The following CMTM1 variants were observed in gnomAD, a reference collection of about 807,000 sequenced individuals.
CMTM1 encodes the protein CKLF like MARVEL transmembrane domain containing 1, also known as CKLF-like MARVEL transmembrane domain-containing protein 1.
Under a neutral mutation model 17.8 loss-of-function variants are expected in CMTM1, and 16 were observed. The ratio of observed to expected loss-of-function variants is 0.90; its 90% CI spans 0.61 to 1.37. The LOEUF (loss-of-function observed/expected upper bound fraction) is 1.37. Ranked by LOEUF, CMTM1 falls within the 40% of genes most tolerant of loss-of-function variation. The pLI is 0.00. For synonymous variants in CMTM1, 169 were observed against 154.6 expected (o/e 1.09, Z -0.69); for missense variants, 354 against 375.6 (o/e 0.94, Z 0.47).
chr16:66,572,135 A>G (rs1293000341), intron 2 of CMTM1, among the ~76,000 whole-genome samples: 1 of 152,184 alleles, frequency 6.6e-6, no homozygotes, highest in African/African-American at 2.4e-5. Flanking sequence ...CAGACCTAGC[A>G]CAGCACAGGA....
chr16:66,577,162 T>C lies in CMTM1; in HGVS notation c.650T>C (p.Met217Thr), dbSNP rs745428783. 5 of 1,613,970 alleles carry C rather than the reference T, an allele frequency of 3.1e-6. No individual in the cohort carries two copies. The East Asian group carries it at 8.9e-5, about 29-fold the overall frequency. The change falls in exon 3 of 4, where the codon ATG (methionine) becomes ACG (threonine). Residue 217 changes from methionine (M) to threonine (T), a missense_variant. Coordinates refer to ENST00000379500, the MANE Select transcript of CMTM1 (RefSeq NM_052999.4). Reference protein sequence around the residue: ...VFLSVVAILAMQEKKRRHLLY... With the variant: ...VFLSVVAILATQEKKRRHLLY... ...CTTTCAGTAGTTGCCATCTTGGCCA[T>C]GCAAGAAAAGAAAAGAAGGCATTTA... is the stretch of plus-strand genomic sequence containing the variant.
chr16:66,572,837 T>C (rs2013742589), intron 2 of CMTM1, among the ~76,000 whole-genome samples: 1 of 152,066 alleles, frequency 6.6e-6, no homozygotes, highest in Non-Finnish European at 1.5e-5. Context: ...CCTATTCCGA[T>C]TATTGTTTGA....
rs367966569 is a variant in CMTM1 at position 66,566,725 on chromosome 16, G to T, written c.212G>T (p.Gly71Val). Residue 71 changes from glycine to valine, a missense_variant, in exon 1 of 4, where the codon GGC (glycine) becomes GTC (valine). Physicochemically the swap from Gly to Val is moderately radical, Grantham distance 109 (BLOSUM62 -3). Transcript: ENST00000379500. The surrounding 1 kb of genome is among the most constrained non-coding windows in gnomAD (Gnocchi z 4.9). ...AQSAAAARPQ[G>V]SEGTAPSRKA... ...TCCGCAGCCGCCGCACGTCCCCAAG[G>T]CAGTGAGGGCACCGCACCCTCAAGG... 1 of 1,613,926 alleles carries T rather than the reference G, an allele frequency of 6.2e-7. No homozygotes were observed. Among genetic ancestry groups the T allele is most frequent in the East Asian group, 2.2e-5 (1 of 44,878 alleles).
intron 2 of CMTM1, chr16:66,574,879 C>T: frequency 1.2e-6 from 1 of 834,010 alleles, no homozygotes; most frequent in Non-Finnish European, 1.4e-6. Context: ...TTATACTCTG[C>T]TTCTCAGTTG....
intron 2 of CMTM1, chr16:66,571,149 A>G (rs770434059): frequency 2.2e-5 from 10 of 457,330 alleles, no homozygotes; most frequent in South Asian, 1.5e-4. Context: ...TGCCGAGTAC[A>G]GGAAGCAGAC....
In CMTM1 at chr16:66,578,679, A is replaced by G. The variant is rs552923871; in HGVS notation, c.691-152A>G. 3.5e-5 allele frequency: 36 copies of G among 1,042,188 alleles called. No homozygotes were observed. The East Asian group carries it at 3.6e-4, about 10-fold the overall frequency. 64.6% of individuals were successfully genotyped at this position (1,042,188 alleles called of 1,614,324 possible). A position where few individuals can be genotyped will look rare whatever the true frequency, so the allele number is the denominator to read the frequency against. ...AGGCAGAATCCGCCTGCAGCAGCCA[A>G]TTGGGCAGGCGCCAAGAAAGTAGTG... On this transcript the variant is annotated intron_variant, in intron 3 of 3. Transcript: ENST00000379500.
chr16:66,577,047 AT>A (rs1032067322), intron 2 of CMTM1, 56 bp from the exon 3 acceptor site: 35 of 1,508,846 alleles, frequency 2.3e-5, no homozygotes, highest in Non-Finnish European at 2.8e-5. Flanking sequence ...ACCAGTTTAA[AT>A]ATTTGTGAAA....
intron 2 of CMTM1, among the ~76,000 whole-genome samples, chr16:66,573,833 C>T (rs1324558141): frequency 3.3e-5 from 5 of 151,674 alleles, no homozygotes; most frequent in Admixed American, 2.0e-4. Flanking sequence ...ATTATAGGCA[C>T]GTACCACCAT....
rs1345338413 is a variant in CMTM1 at position 66,566,752 on chromosome 16, A to G, written c.239A>G (p.Lys80Arg). 1 of 1,613,644 alleles carries G rather than the reference A, an allele frequency of 6.2e-7. No individual in the cohort carries two copies. Among genetic ancestry groups the G allele is most frequent in the African/African-American group, 1.3e-5 (1 of 74,892 alleles). ...AGTGAGGGCACCGCACCCTCAAGGA[A>G]AGCCACCACACGCCCACCCCCAAAG... Reference protein sequence around the residue: ...QGSEGTAPSRKATTRPPPKPT... With the variant: ...QGSEGTAPSRRATTRPPPKPT... Residue 80 changes from lysine (K) to arginine (R), a missense_variant, in exon 1 of 4, where the codon AAA becomes AGA. Lys to Arg is a conservative substitution (Grantham distance 26). Transcript: ENST00000379500. The surrounding 1 kb of genome is among the most constrained non-coding windows in gnomAD (Gnocchi z 4.9).
At chr16:66,573,363 G>A (rs951322759) in intron 2 of CMTM1, among the ~76,000 whole-genome samples, 1 of 152,028 alleles carries the variant, frequency 6.6e-6, no homozygotes, top group African/African-American at 2.4e-5. Flanking sequence ...TTACCAACTC[G>A]CCCCACTCTA....
intron 2 of CMTM1, among the ~76,000 whole-genome samples, chr16:66,573,082 A>G (rs2013774961): frequency 6.6e-6 from 1 of 152,122 alleles, no homozygotes; most frequent in African/African-American, 2.4e-5. Context: ...ACACCATGGG[A>G]AAGACACAGG....
At position 66,579,082 on chromosome 16, in the gene CMTM1, C is replaced by A; in HGVS notation, c.*81C>A. 1 of 1,542,334 alleles carries A rather than the reference C, an allele frequency of 6.5e-7. No homozygotes were observed. Among genetic ancestry groups the A allele is most frequent in the Non-Finnish European group, 8.7e-7 (1 of 1,144,394 alleles). ...CCACCCCCGAGCTCGCATGCTGTCA[C>A]CCATTCCAGCCTAAATGTGACCATA... On this transcript the variant is annotated 3_prime_UTR_variant, in exon 4 of 4. Transcript: ENST00000379500. The surrounding 1 kb of genome is among the most constrained non-coding windows in gnomAD (Gnocchi z 6.5).
chr16:66,568,612 C>T (rs146330618), intron 1 of CMTM1, among the ~76,000 whole-genome samples: 8 of 152,080 alleles, frequency 5.3e-5, no homozygotes, highest in South Asian at 4.1e-4. Flanking sequence ...GGTGGCCAGG[C>T]GCAGTGACTC....
At chr16:66,571,213 G>A (rs776026642) in intron 2 of CMTM1, 39 of 454,888 alleles carry the variant, frequency 8.6e-5, no homozygotes, top group Admixed American at 9.5e-5. Flanking sequence ...TTTAGTTATG[G>A]AGAGGTTTCT....
At position 66,566,984 on chromosome 16, in the gene CMTM1, G is replaced by C; in HGVS notation, c.432+39G>C. ...TGGTGAGACCTAGCTGGGCGGATGT[G>C]GCCGGCAGTGGCCTCGGGGAAATGC... On this transcript the variant is annotated intron_variant, in intron 1 of 3. Coordinates refer to ENST00000379500, the MANE Select transcript of CMTM1 (RefSeq NM_052999.4). The surrounding 1 kb of genome is among the most constrained non-coding windows in gnomAD (Gnocchi z 4.9). The C allele has an allele frequency of 6.2e-7, 1 of 1,607,564 alleles. No individual in the cohort carries two copies. The highest frequency in any genetic ancestry group is 8.5e-7 in the Non-Finnish European group (1 of 1,174,562).
intron 1 of CMTM1, 136 bp downstream of exon 1, chr16:66,567,081 C>T (rs1291638573): frequency 2.4e-6 from 2 of 842,430 alleles, no homozygotes; most frequent in Non-Finnish European, 2.0e-6. Flanking sequence ...CTCACCTTTC[C>T]TCCCCACCAC....
chr16:66,568,843 A>G (rs28550721), intron 1 of CMTM1, among the ~76,000 whole-genome samples: 9,524 of 151,520 alleles, frequency 0.063, 441 homozygotes, highest in East Asian at 0.12. Context: ...CTGAGATCAC[A>G]CCACTGCACT....
chr16:66,568,907 A>G (rs2013057128), intron 1 of CMTM1, among the ~76,000 whole-genome samples: 1 of 152,140 alleles, frequency 6.6e-6, no homozygotes. Flanking sequence ...AAGGAGGTAA[A>G]ATATATGCTT....
chr16:66,579,127 T>C lies in CMTM1; in HGVS notation c.*126T>C, dbSNP rs1184896849. The stretch of plus-strand genomic sequence containing the variant: ...ACCATAAAATTAGGGCTGCTGCTTT[T>C]ATCGAGAACACCTGCTTCCTCTCGT... On this transcript the variant is annotated 3_prime_UTR_variant, in exon 4 of 4. Coordinates refer to ENST00000379500, the MANE Select transcript of CMTM1 (RefSeq NM_052999.4). This position sits in a 1 kb window ranked among gnomAD's most constrained non-coding sequence, Gnocchi z 6.5. The C allele has an allele frequency of 7.9e-7, 1 of 1,268,090 alleles. No homozygotes were observed. Among genetic ancestry groups the C allele is most frequent in the South Asian group, 1.5e-5 (1 of 66,668 alleles). 78.6% of individuals were successfully genotyped at this position (1,268,090 alleles called of 1,614,324 possible). A position where few individuals can be genotyped will look rare whatever the true frequency, so the allele number is the denominator to read the frequency against.
Sources: allele counts gnomAD v4.1 joint callset (sites outside exome capture counted in the v4.1 genomes callset), GRCh38; gene constraint gnomAD v4.1.1; non-coding constraint Gnocchi (gnomAD v3.1); transcripts MANE v1.5; gene names NCBI Gene and HGNC (gene_info 2026-07-23, HGNC 2026-07-21).